Variants in SHTN1 observed in about 807,000 individuals in gnomAD.
SHTN1 encodes the protein shootin 1, also known as shootin-1.
A neutral mutation model predicts 83.1 loss-of-function variants in SHTN1; 42 were observed. The ratio of observed to expected loss-of-function variants is 0.51; its 90% CI spans 0.39 to 0.65. SHTN1 has a LOEUF of 0.65. SHTN1 is among the 30% of genes least tolerant of loss of function. The pLI is 0.00. For synonymous variants in SHTN1, 224 were observed against 247.7 expected (o/e 0.90, Z 0.90); for missense variants, 622 against 737.8 (o/e 0.84, Z 1.82).
rs929876797 is a variant in SHTN1 at position 117,091,601 on chromosome 10, C to A, written c.-189+34706G>T. 2.0e-5 allele frequency among the ~76,000 whole-genome samples: 3 copies of A among 152,324 alleles called. No homozygotes were observed. The East Asian group carries it at 5.8e-4, about 29-fold the overall frequency. ...CAAAGAATGCCAGCCCATTTCCAAGCAGCCTCTCTTAACAGGTAAGCACAA... is the reference window on the plus strand; with the variant it reads ...CAAAGAATGCCAGCCCATTTCCAAGAAGCCTCTCTTAACAGGTAAGCACAA... On this transcript the variant is annotated intron_variant, in intron 1 of 17. Coordinates refer to the SHTN1 transcript ENST00000392901.
chr10:116,978,910 C>T lies in SHTN1; in HGVS notation c.111+346G>A, dbSNP rs144505143. On this transcript the variant is annotated intron_variant, in intron 2 of 16. Coordinates refer to ENST00000355371, the MANE Select transcript of SHTN1 (RefSeq NM_001127211.3). ...CCAATGTGTCTAGGTCCCAACAGTA[C>T]ATGTATGAAGTGTTCAATTCCACTG... Among the ~76,000 whole-genome samples, 338 of 152,304 alleles carry T rather than the reference C, an allele frequency of 2.2e-3. 2 individuals are homozygous for T. The highest frequency in any genetic ancestry group is 7.6e-3 in the African/African-American group (317 of 41,570).
chr10:116,982,535 G>T (rs1003813920), intron 1 of SHTN1, among the ~76,000 whole-genome samples: 11 of 152,124 alleles, frequency 7.2e-5, no homozygotes, highest in African/African-American at 2.7e-4. Flanking sequence ...AATGTTACGG[G>T]GTCGCAGAGA....
intron 1 of SHTN1, among the ~76,000 whole-genome samples, chr10:117,090,747 G>T (rs1853417472): frequency 8.2e-6 from 1 of 122,058 alleles, no homozygotes. Flanking sequence ...CCTAATTTGT[G>T]AAAACAGAAG....
intron 1 of SHTN1, among the ~76,000 whole-genome samples, chr10:117,103,980 G>C (rs1048468407): frequency 4.6e-5 from 7 of 152,142 alleles, no homozygotes; most frequent in Non-Finnish European, 1.0e-4. Flanking sequence ...GAGGCTTTCA[G>C]TAAATTCCTC....
At chr10:117,027,715 G>C (rs1340192594) in intron 2 of SHTN1, among the ~76,000 whole-genome samples, 1 of 152,132 alleles carries the variant, frequency 6.6e-6, no homozygotes, top group Admixed American at 6.5e-5. Flanking sequence ...AGCCAGGATG[G>C]TCTCGATCTC....
chr10:117,070,798 T>TC lies in SHTN1; in HGVS notation c.-188-22289dup, dbSNP rs981559102. Among the ~76,000 whole-genome samples the TC allele has an allele frequency of 4.0e-5, 6 of 151,752 alleles. No individual in the cohort carries two copies. The East Asian group carries it at 1.2e-3, about 30-fold the overall frequency. On this transcript the variant is annotated intron_variant, in intron 1 of 17. Coordinates refer to the SHTN1 transcript ENST00000392901. The stretch of plus-strand genomic sequence containing the variant: ...AGATTTACTGGAATTCAACGTCGAA[T>TC]CCTTTCTTTTTCTTTTCCTAAAAGC...
At chr10:116,996,215 C>G (rs1163360356) in intron 1 of SHTN1, among the ~76,000 whole-genome samples, 2 of 152,168 alleles carry the variant, frequency 1.3e-5, no homozygotes, top group African/African-American at 2.4e-5. Context: ...TCACCCATTA[C>G]TAGATTCTAG....
chr10:117,042,975 A>G (rs1019277025), intron 2 of SHTN1, among the ~76,000 whole-genome samples: 6 of 152,134 alleles, frequency 3.9e-5, no homozygotes, highest in Non-Finnish European at 8.8e-5. Flanking sequence ...ACCTGTCTGA[A>G]GTCTAAAACT....
At chr10:117,103,459 C>T (rs1281494705) in intron 1 of SHTN1, among the ~76,000 whole-genome samples, 1 of 151,450 alleles carries the variant, frequency 6.6e-6, no homozygotes, top group Non-Finnish European at 1.5e-5. Context: ...CATACTTTTC[C>T]TTAGCGGTTA....
intron 2 of SHTN1, chr10:117,023,564 T>G (rs929868778): frequency 2.6e-5 from 4 of 152,652 alleles, no homozygotes; most frequent in African/African-American, 9.6e-5. Context: ...TACACCTACT[T>G]AAAGTTTTAG....
Position 116,951,861 on chromosome 10 carries a change from C to T in SHTN1, c.534+48G>A, listed in dbSNP as rs745998711. 6.4e-6 allele frequency: 7 copies of T among 1,089,014 alleles called. No homozygotes were observed. The African/African-American group carries it at 7.9e-5, about 12-fold the overall frequency. 67.5% of individuals were successfully genotyped at this position (1,089,014 alleles called of 1,614,324 possible). A position where few individuals can be genotyped will look rare whatever the true frequency, so the allele number is the denominator to read the frequency against. ...GTTCTTAACTTAGCAAATCCCCAAA[C>T]ACCTTGAAAATGCTAAAGCCCTTGC... On this transcript the variant is annotated intron_variant, in intron 6 of 16. Transcript: ENST00000355371.
At chr10:117,104,631 G>A (rs1368299000) in intron 1 of SHTN1, among the ~76,000 whole-genome samples, 15 of 152,020 alleles carry the variant, frequency 9.9e-5, no homozygotes, top group Non-Finnish European at 2.9e-5. Flanking sequence ...AAAATTGGAC[G>A]GGCGTGGTGG....
At chr10:117,096,847 C>T (rs1377536532) in intron 1 of SHTN1, among the ~76,000 whole-genome samples, 3 of 152,140 alleles carry the variant, frequency 2.0e-5, no homozygotes, top group Non-Finnish European at 4.4e-5. Context: ...GTGTGAAAAA[C>T]TAAAGGGTCC....
chr10:117,109,582 T>TTTTTG (rs1236067569), intron 1 of SHTN1, among the ~76,000 whole-genome samples: 2 of 136,378 alleles, frequency 1.5e-5, no homozygotes, highest in East Asian at 2.2e-4. Flanking sequence ...TTTTTTTTTT[T>TTTTTG]GAGAGGGAGT....
chr10:117,126,012 G>A (rs11197904), intron 1 of SHTN1, among the ~76,000 whole-genome samples: 58,529 of 152,046 alleles, frequency 0.38, 13,826 homozygotes, highest in Middle Eastern at 0.55. Context: ...CCCTTAGCAA[G>A]CCCCTCAGCC....
At chr10:117,052,733 A>C in intron 1 of SHTN1, among the ~76,000 whole-genome samples, 1 of 151,954 alleles carries the variant, frequency 6.6e-6, no homozygotes, top group Non-Finnish European at 1.5e-5. Flanking sequence ...AAAAGAATTA[A>C]GTTGGGCCGA....
chr10:116,999,475 T>C lies in SHTN1; in HGVS notation c.58+5547A>G, dbSNP rs185853152. On this transcript the variant is annotated intron_variant, in intron 1 of 16. Coordinates refer to ENST00000355371, the MANE Select transcript of SHTN1 (RefSeq NM_001127211.3). ...CTTATGGCCCTTCAAAGAGTCACAG[T>C]GCATAAAACGCCTAAAAAGTTTCCT... 4.0e-4 allele frequency among the ~76,000 whole-genome samples: 61 copies of C among 152,310 alleles called. 1 individual carries two copies. The highest frequency in any genetic ancestry group is 1.2e-3 in the African/African-American group (50 of 41,578).
At chr10:116,912,579 T>C (rs1848241340) in intron 13 of SHTN1, among the ~76,000 whole-genome samples, 1 of 152,150 alleles carries the variant, frequency 6.6e-6, no homozygotes, top group African/African-American at 2.4e-5. Flanking sequence ...TGAAGTAAAA[T>C]TCTGGGTATG....
chr10:117,029,415 G>C (rs1672288921), intron 2 of SHTN1, among the ~76,000 whole-genome samples: 1 of 152,184 alleles, frequency 6.6e-6, no homozygotes, highest in Non-Finnish European at 1.5e-5. Context: ...GGATTGTTGA[G>C]AAGGCATGAT....
Sources: gnomAD v4.1 joint callset for allele counts (sites outside exome capture counted in the v4.1 genomes callset) on GRCh38, gnomAD v4.1.1 for gene constraint, MANE v1.5 for transcripts, NCBI Gene and HGNC (gene_info 2026-07-23, HGNC 2026-07-21) for gene names.